The following RORB variants were observed in gnomAD, a reference collection of about 807,000 sequenced individuals.
RORB encodes RAR related orphan receptor B.
A neutral mutation model predicts 59.1 loss-of-function variants in RORB; 6 were observed. That is an observed-to-expected ratio of 0.10 (90% CI 0.06 to 0.20). The LOEUF (loss-of-function observed/expected upper bound fraction) is 0.20. Ranked by LOEUF, RORB falls within the 10% of genes least tolerant of loss-of-function variation. The pLI, the probability that RORB is intolerant of heterozygous loss-of-function variation, is 1.00. For synonymous variants in RORB, 215 were observed against 204.5 expected (o/e 1.05, Z -0.44); for missense variants, 320 against 560.5 (o/e 0.57, Z 4.33).
chr9:74,607,905 G>A (rs1019772738), intron 1 of RORB, among the ~76,000 whole-genome samples: 2 of 152,110 alleles, frequency 1.3e-5, no homozygotes, highest in Admixed American at 6.5e-5. Flanking sequence ...AGGTTTCTAG[G>A]CATACTGCAG....
chr9:74,565,359 A>G, intron 1 of RORB, among the ~76,000 whole-genome samples: 1 of 152,270 alleles, frequency 6.6e-6, no homozygotes, highest in East Asian at 1.9e-4. Flanking sequence ...AACATCTAGT[A>G]ACTTTGAGTA....
chr9:74,602,481 G>A (rs958224021), intron 1 of RORB, among the ~76,000 whole-genome samples: 2 of 152,238 alleles, frequency 1.3e-5, no homozygotes, highest in Non-Finnish European at 2.9e-5. Flanking sequence ...TTGTATTTGA[G>A]AAATGTTTAA....
chr9:74,627,631 T>C (rs776531705), intron 1 of RORB, among the ~76,000 whole-genome samples: 1 of 152,202 alleles, frequency 6.6e-6, no homozygotes, highest in Non-Finnish European at 1.5e-5. Flanking sequence ...TAAGAACTTA[T>C]AGAAGCAGAT....
intron 1 of RORB, among the ~76,000 whole-genome samples, chr9:74,603,416 T>C (rs1319891746): frequency 6.6e-6 from 1 of 152,038 alleles, no homozygotes; most frequent in Non-Finnish European, 1.5e-5. Flanking sequence ...CACAGAGAGG[T>C]TGATTCTGTT....
At chr9:74,515,541 ACT>A (rs1490247607) in intron 1 of RORB, among the ~76,000 whole-genome samples, 5 of 152,014 alleles carry the variant, frequency 3.3e-5, no homozygotes, top group Non-Finnish European at 5.9e-5. Context: ...ATTTTCTCAA[ACT>A]TTACACATAA....
intron 1 of RORB, among the ~76,000 whole-genome samples, chr9:74,585,919 C>T (rs1366784554): frequency 1.3e-5 from 2 of 151,682 alleles, no homozygotes; most frequent in Non-Finnish European, 2.9e-5. Context: ...CTCAGCCTCC[C>T]GAGTAGCTGG....
intron 1 of RORB, among the ~76,000 whole-genome samples, chr9:74,523,701 G>A (rs550304479): frequency 2.0e-5 from 3 of 151,996 alleles, no homozygotes; most frequent in South Asian, 2.1e-4. Flanking sequence ...TTCCAAACTA[G>A]CTTTAACTAA....
intron 1 of RORB, among the ~76,000 whole-genome samples, chr9:74,517,708 A>G (rs1330676063): frequency 6.6e-6 from 1 of 152,030 alleles, no homozygotes; most frequent in Non-Finnish European, 1.5e-5. Flanking sequence ...GAAATAGAAA[A>G]AATTATACTT....
At chr9:74,539,073 T>C (rs930026686) in intron 1 of RORB, among the ~76,000 whole-genome samples, 1 of 152,176 alleles carries the variant, frequency 6.6e-6, no homozygotes, top group East Asian at 1.9e-4. Context: ...GAAATATATA[T>C]TTAAAAAGCT....
chr9:74,528,122 C>T (rs1204046395), intron 1 of RORB, among the ~76,000 whole-genome samples: 1 of 151,814 alleles, frequency 6.6e-6, no homozygotes, highest in African/African-American at 2.4e-5. Context: ...GGCATAAAAC[C>T]AGAGATCATT....
intron 1 of RORB, among the ~76,000 whole-genome samples, chr9:74,623,771 G>A (rs1823462925): frequency 6.6e-6 from 1 of 152,118 alleles, no homozygotes; most frequent in Non-Finnish European, 1.5e-5. Context: ...TGGTCGAAAA[G>A]ACATTCACTC....
intron 1 of RORB, among the ~76,000 whole-genome samples, chr9:74,577,262 G>T (rs954458356): frequency 1.3e-5 from 2 of 151,910 alleles, no homozygotes; most frequent in Non-Finnish European, 2.9e-5. Flanking sequence ...TGTCAAAATC[G>T]TTCTGTAAAA....
intron 1 of RORB, among the ~76,000 whole-genome samples, chr9:74,553,817 T>A (rs756538583): frequency 6.6e-6 from 1 of 152,194 alleles, no homozygotes; most frequent in Non-Finnish European, 1.5e-5. Flanking sequence ...CAGAGTAGGC[T>A]GAGCTATGGA....
At chr9:74,568,333 A>G (rs1033631435) in intron 1 of RORB, among the ~76,000 whole-genome samples, 2 of 152,058 alleles carry the variant, frequency 1.3e-5, no homozygotes, top group East Asian at 3.9e-4. Context: ...AGGGATAGAG[A>G]GAGGTCACCT....
At chr9:74,571,844 T>C (rs1822557342) in intron 1 of RORB, among the ~76,000 whole-genome samples, 1 of 152,142 alleles carries the variant, frequency 6.6e-6, no homozygotes, top group South Asian at 2.1e-4. Context: ...GCACAGATTG[T>C]AGTAAATGCT....
intron 1 of RORB, chr9:74,498,231 T>C (rs1825741446): frequency 1.7e-6 from 1 of 592,632 alleles, no homozygotes; most frequent in Non-Finnish European, 3.0e-6. Context: ...GACAGGCTAG[T>C]TGGTTCTTAC....
Position 74,612,941 on chromosome 9 carries a change from A to T in RORB, c.8-17341A>T, listed in dbSNP as rs956898646. ...TAGAATTTTATTTCTTGTAAAATACAGAAAAATAACAATTACAATGAAAAC... is the reference window on the plus strand; with the variant it reads ...TAGAATTTTATTTCTTGTAAAATACTGAAAAATAACAATTACAATGAAAAC... On this transcript the variant is annotated intron_variant, in intron 1 of 9. Coordinates refer to ENST00000376896, the MANE Select transcript of RORB (RefSeq NM_006914.4). 1.2e-4 allele frequency among the ~76,000 whole-genome samples: 18 copies of T among 152,262 alleles called. No individual in the cohort carries two copies. In the East Asian group the frequency reaches 3.5e-3, roughly 29 times the overall value.
At chr9:74,515,079 T>A (rs545139562) in intron 1 of RORB, among the ~76,000 whole-genome samples, 1 of 148,260 alleles carries the variant, frequency 6.7e-6, no homozygotes, top group South Asian at 2.2e-4. Context: ...TCAACAAACA[T>A]CTGGTGTATC....
chr9:74,578,101 A>G (rs1822664701), intron 1 of RORB, among the ~76,000 whole-genome samples: 1 of 151,598 alleles, frequency 6.6e-6, no homozygotes, highest in African/African-American at 2.4e-5. Context: ...GCAAATGAGG[A>G]AGATAAACTT....
Sources: allele counts gnomAD v4.1 joint callset (sites outside exome capture counted in the v4.1 genomes callset), GRCh38; gene constraint gnomAD v4.1.1; transcripts MANE v1.5; gene names NCBI Gene and HGNC (gene_info 2026-07-23, HGNC 2026-07-21).